The following CTNNA2 variants were observed in gnomAD, a reference collection of about 807,000 sequenced individuals.
The protein encoded by CTNNA2 is catenin alpha-2.
A neutral mutation model predicts 101.0 loss-of-function variants in CTNNA2; 42 were observed. That is an observed-to-expected ratio of 0.42 (90% confidence interval 0.32 to 0.54). The LOEUF is 0.54. CTNNA2 is among the 20% of genes least tolerant of loss of function. CTNNA2 has a pLI of 0.14. For missense variants in CTNNA2, 871 were observed against 1,223.1 expected, an observed-to-expected ratio of 0.71 and a Z score of 4.29; for synonymous variants, 450 against 456.4, an observed-to-expected ratio of 0.99 and a Z score of 0.18.
intron 3 of CTNNA2, among the ~76,000 whole-genome samples, chr2:79,813,258 C>T (rs967409585): frequency 1.3e-4 from 20 of 152,066 alleles, no homozygotes; most frequent in African/African-American, 4.8e-4. Context: ...TAATCTCTGC[C>T]CTGGCACATG....
At chr2:79,363,559 C>G (rs1286299543) in intron 3 of CTNNA2, among the ~76,000 whole-genome samples, 1 of 126,818 alleles carries the variant, frequency 7.9e-6, no homozygotes. Flanking sequence ...TAACCTTCCC[C>G]CAGCAAAAAA....
At chr2:79,226,560 CG>C (rs1674412046) in intron 2 of CTNNA2, among the ~76,000 whole-genome samples, 1 of 152,036 alleles carries the variant, frequency 6.6e-6, no homozygotes, top group Non-Finnish European at 1.5e-5. Flanking sequence ...GCATAGCGGA[CG>C]TTGTGTTCAG....
At chr2:80,359,074 C>CA (rs202202952) in intron 7 of CTNNA2, among the ~76,000 whole-genome samples, 4,411 of 151,610 alleles carry the variant, frequency 0.029, 114 homozygotes, top group African/African-American at 0.066. Context: ...CAAAACAAAA[C>CA]AAAAAAAACC....
chr2:80,045,632 C>G (rs1696465778), intron 7 of CTNNA2, among the ~76,000 whole-genome samples: 1 of 152,096 alleles, frequency 6.6e-6, no homozygotes, highest in Non-Finnish European at 1.5e-5. Flanking sequence ...TCTTGAGTCT[C>G]CTATTATTTT....
At chr2:79,659,111 C>T (rs919825266) in intron 2 of CTNNA2, among the ~76,000 whole-genome samples, 3 of 151,520 alleles carry the variant, frequency 2.0e-5, no homozygotes, top group African/African-American at 7.3e-5. Flanking sequence ...ATCAGGGAAA[C>T]AGGAGGTTCA....
upstream of CTNNA2, among the ~76,000 whole-genome samples, chr2:79,510,447 T>G (rs1671511077): frequency 6.6e-6 from 1 of 152,218 alleles, no homozygotes; most frequent in African/African-American, 2.4e-5. Flanking sequence ...ACAAGCATAT[T>G]TAGACTGTTA....
At chr2:79,557,186 T>C (rs1222460156) in intron 1 of CTNNA2, among the ~76,000 whole-genome samples, 1 of 152,066 alleles carries the variant, frequency 6.6e-6, no homozygotes, top group Admixed American at 6.6e-5. Context: ...CCTCAATACA[T>C]AAAATTAAAT....
At position 79,763,454 on chromosome 2, in the gene CTNNA2, T is replaced by C. The variant is rs911212196; in HGVS notation, c.298+18872T>C. The stretch of plus-strand genomic sequence containing the variant: ...AAATAACTGTTTTGGTGTTTATGAT[T>C]TGTATGTTTTTTTCACCTTGACAAT... On this transcript the variant is annotated intron_variant, in intron 3 of 18. Coordinates refer to ENST00000402739, the MANE Select transcript of CTNNA2 (RefSeq NM_001282597.3). 1.1e-4 allele frequency among the ~76,000 whole-genome samples: 17 copies of C among 152,318 alleles called. 1 individual carries two copies. The highest frequency in any genetic ancestry group is 1.1e-3 in the Admixed American group (17 of 15,298).
At chr2:80,234,218 C>G (rs11896471) in intron 7 of CTNNA2, among the ~76,000 whole-genome samples, 35,724 of 151,900 alleles carry the variant, frequency 0.24, 6,620 homozygotes, top group African/African-American at 0.51. Context: ...TTTTAGTAGA[C>G]ACAGGGTTTT....
rs191300510 is a variant in CTNNA2 at position 79,503,518 on chromosome 2, T to A, written c.-134-1536T>A. Among the ~76,000 whole-genome samples the A allele has an allele frequency of 2.3e-3, 352 of 152,266 alleles. 1 individual carries two copies. Among genetic ancestry groups the A allele is most frequent in the African/African-American group, 8.0e-3 (331 of 41,570 alleles). On this transcript the variant is annotated intron_variant, in intron 4 of 21. Transcript: ENST00000466387. ...TTCCCTGATCTTACTACATACTTAT[T>A]GGCTTAGAAGCAGCTGCCTTAACAG...
intron 2 of CTNNA2, among the ~76,000 whole-genome samples, chr2:79,703,934 A>G (rs1041027040): frequency 8.0e-5 from 10 of 124,374 alleles, no homozygotes; most frequent in Non-Finnish European, 1.5e-4. Flanking sequence ...AACTGCAAAT[A>G]TAAATCACTT....
At chr2:80,335,843 A>T (rs1201728549) in intron 7 of CTNNA2, among the ~76,000 whole-genome samples, 1 of 152,166 alleles carries the variant, frequency 6.6e-6, no homozygotes, top group Non-Finnish European at 1.5e-5. Flanking sequence ...TTAGACACAA[A>T]AATGCATTTG....
At chr2:80,131,203 C>T (rs966285916) in intron 7 of CTNNA2, among the ~76,000 whole-genome samples, 4 of 152,086 alleles carry the variant, frequency 2.6e-5, no homozygotes, top group Non-Finnish European at 4.4e-5. Context: ...GGACTATTGG[C>T]GTGCACCACC....
chr2:79,374,766 ATT>A (rs5832384), intron 4 of CTNNA2, among the ~76,000 whole-genome samples: 28 of 151,872 alleles, frequency 1.8e-4, no homozygotes, highest in Non-Finnish European at 3.7e-4. Flanking sequence ...ACTCCATGAG[ATT>A]TTTTTTCCTC....
At chr2:79,972,926 C>T (rs1690587454) in intron 7 of CTNNA2, among the ~76,000 whole-genome samples, 1 of 152,142 alleles carries the variant, frequency 6.6e-6, no homozygotes, top group Non-Finnish European at 1.5e-5. Flanking sequence ...TCCTCTCTGC[C>T]TGTTGGCATG....
chr2:79,328,467 A>C (rs1484766371), intron 3 of CTNNA2, among the ~76,000 whole-genome samples: 1 of 152,212 alleles, frequency 6.6e-6, no homozygotes, highest in Non-Finnish European at 1.5e-5. Context: ...TTTGGGGATC[A>C]TATATCTGCA....
intron 7 of CTNNA2, among the ~76,000 whole-genome samples, chr2:80,279,586 C>T (rs1028363025): frequency 5.3e-5 from 8 of 152,086 alleles, no homozygotes; most frequent in African/African-American, 1.9e-4. Flanking sequence ...TGTCCTGGCT[C>T]TTCAGCTCTC....
intron 2 of CTNNA2, among the ~76,000 whole-genome samples, chr2:79,727,024 A>G (rs1428043614): frequency 6.6e-6 from 1 of 152,264 alleles, no homozygotes; most frequent in African/African-American, 2.4e-5. Context: ...TTGCTTAATT[A>G]GTCCAATTAA....
intron 4 of CTNNA2, among the ~76,000 whole-genome samples, chr2:79,494,772 A>G (rs542322894): frequency 6.6e-6 from 1 of 152,306 alleles, no homozygotes; most frequent in East Asian, 1.9e-4. Context: ...CAACATTAAA[A>G]GCACAAGTGA....
Sources: gnomAD v4.1 joint callset for allele counts (sites outside exome capture counted in the v4.1 genomes callset) on GRCh38, gnomAD v4.1.1 for gene constraint, MANE v1.5 for transcripts, NCBI Gene and HGNC (gene_info 2026-07-23, HGNC 2026-07-21) for gene names.